Variants in EPHA6 observed in about 807,000 individuals in gnomAD.
The protein encoded by EPHA6 is EPH receptor A6.
EPHA6 carries 50 observed loss-of-function variants against 112.0 expected under a neutral mutation model. The observed-to-expected ratio is 0.45, with a 90% CI of 0.36 to 0.56. EPHA6 has a LOEUF of 0.56. Among genes scored for constraint, EPHA6 ranks in the 20% least tolerant of loss-of-function variants. EPHA6 has a pLI of 0.00. For missense variants in EPHA6, 1,280 were observed against 1,417.4 expected (o/e 0.90, Z 1.56); for synonymous variants, 529 against 490.7 (o/e 1.08, Z -1.03).
chr3:96,959,319 G>A (rs576192817), intron 2 of EPHA6, among the ~76,000 whole-genome samples: 13 of 152,172 alleles, frequency 8.5e-5, no homozygotes, highest in African/African-American at 2.4e-4. Flanking sequence ...TAGAGAAATA[G>A]CTATTCAAAT....
chr3:96,844,274 C>G (rs564614422), intron 1 of EPHA6, among the ~76,000 whole-genome samples: 1 of 152,046 alleles, frequency 6.6e-6, no homozygotes, highest in South Asian at 2.1e-4. Context: ...CAGTCACCTG[C>G]CCTGTTGAAG....
Position 97,757,744 on chromosome 3 carries a change from T to G in EPHA6, c.*9043T>G, listed in dbSNP as rs1241496607. 1.3e-5 allele frequency among the ~76,000 whole-genome samples: 2 copies of G among 151,890 alleles called. No individual in the cohort carries two copies. Among genetic ancestry groups the G allele is most frequent in the Non-Finnish European group, 1.5e-5 (1 of 67,794 alleles). On this transcript the variant is annotated 3_prime_UTR_variant, in exon 18 of 18. Coordinates refer to ENST00000389672, the MANE Select transcript of EPHA6 (RefSeq NM_001080448.3). The stretch of plus-strand genomic sequence containing the variant: ...ACTTACATATTAATTTTATGTGATA[T>G]AATATGTTTTGATCTCTAAATGCTT...
chr3:97,312,832 C>T (rs2081624720), intron 5 of EPHA6, among the ~76,000 whole-genome samples: 1 of 150,840 alleles, frequency 6.6e-6, no homozygotes, highest in Non-Finnish European at 1.5e-5. Context: ...GAATGTTAAA[C>T]CAACATTTTA....
intron 11 of EPHA6, among the ~76,000 whole-genome samples, chr3:97,576,373 C>T (rs1482750078): frequency 6.6e-6 from 1 of 152,110 alleles, no homozygotes; most frequent in East Asian, 1.9e-4. Flanking sequence ...TTATCAATGT[C>T]ATCCACTAAA....
At chr3:97,203,829 A>G (rs9825558) in intron 3 of EPHA6, among the ~76,000 whole-genome samples, 32,597 of 151,990 alleles carry the variant, frequency 0.21, 3,717 homozygotes, top group Non-Finnish European at 0.25. Flanking sequence ...TAAAATGTTC[A>G]TTACCCCATT....
At chr3:97,498,630 G>A (rs2092042057) in intron 10 of EPHA6, among the ~76,000 whole-genome samples, 1 of 152,180 alleles carries the variant, frequency 6.6e-6, no homozygotes, top group Non-Finnish European at 1.5e-5. Context: ...TTATAGTACT[G>A]GAGATCAGTG....
chr3:97,245,043 C>T (rs576474405), intron 5 of EPHA6, among the ~76,000 whole-genome samples: 4 of 152,050 alleles, frequency 2.6e-5, no homozygotes, highest in African/African-American at 9.6e-5. Flanking sequence ...TATGGGCACA[C>T]AAGTTATTGC....
intron 11 of EPHA6, among the ~76,000 whole-genome samples, chr3:97,591,305 G>C (rs566735333): frequency 1.3e-3 from 202 of 152,260 alleles, no homozygotes; most frequent in Admixed American, 4.4e-3. Context: ...ATGGAAACAA[G>C]ATATATATAG....
chr3:97,584,749 A>G (rs1277036246), intron 11 of EPHA6, among the ~76,000 whole-genome samples: 1 of 152,190 alleles, frequency 6.6e-6, no homozygotes, highest in Non-Finnish European at 1.5e-5. Flanking sequence ...GCATGGAGAC[A>G]TGAAATGGTC....
At chr3:97,328,950 A>G (rs2082626357) in intron 5 of EPHA6, among the ~76,000 whole-genome samples, 1 of 152,038 alleles carries the variant, frequency 6.6e-6, no homozygotes, top group Non-Finnish European at 1.5e-5. Context: ...ATATCTCCTA[A>G]TGCTATCCCT....
chr3:97,001,333 A>T (rs983160099), intron 3 of EPHA6, among the ~76,000 whole-genome samples: 1 of 151,934 alleles, frequency 6.6e-6, no homozygotes, highest in African/African-American at 2.4e-5. Flanking sequence ...CTTGTAAGAA[A>T]ATCATCCCAG....
At chr3:97,535,573 A>G (rs571502357) in intron 11 of EPHA6, among the ~76,000 whole-genome samples, 1 of 152,148 alleles carries the variant, frequency 6.6e-6, no homozygotes, top group East Asian at 1.9e-4. Flanking sequence ...GCCAATAAAT[A>G]AATGAGTGCC....
At chr3:96,865,891 A>G (rs533366494) in intron 1 of EPHA6, among the ~76,000 whole-genome samples, 82 of 151,958 alleles carry the variant, frequency 5.4e-4, no homozygotes, top group African/African-American at 1.9e-3. Flanking sequence ...CCTGCCAGAA[A>G]CGCTACAAAA....
intron 6 of EPHA6, among the ~76,000 whole-genome samples, chr3:97,442,343 T>C (rs964298668): frequency 6.6e-5 from 10 of 152,138 alleles, no homozygotes; most frequent in African/African-American, 2.4e-4. Context: ...ACAGCACTTT[T>C]GGGAGGCCAA....
intron 13 of EPHA6, among the ~76,000 whole-genome samples, chr3:97,634,670 G>A (rs528722152): frequency 1.3e-5 from 2 of 152,064 alleles, no homozygotes; most frequent in East Asian, 1.9e-4. Context: ...CCCTTTACAC[G>A]AGCAGCCTGA....
chr3:97,709,155 C>CA (rs34571358), intron 14 of EPHA6, among the ~76,000 whole-genome samples: 173 of 117,272 alleles, frequency 1.5e-3, no homozygotes, highest in South Asian at 5.4e-3. Flanking sequence ...CCATGCAAGT[C>CA]AAAAAAAAAA....
Position 96,847,651 on chromosome 3 carries a change from G to A in EPHA6, c.386-19174G>A, listed in dbSNP as rs148872121. Among the ~76,000 whole-genome samples the A allele has an allele frequency of 2.9e-3, 445 of 152,172 alleles. 4 individuals are homozygous for A. Among genetic ancestry groups the A allele is most frequent in the African/African-American group, 9.8e-3 (407 of 41,564 alleles). ...ATTCTAGGGTTGTAATCTTTAAGAAGAGAATTATACAAGAAGTTATTTTTG... is the reference window on the plus strand; with the variant it reads ...ATTCTAGGGTTGTAATCTTTAAGAAAAGAATTATACAAGAAGTTATTTTTG... On this transcript the variant is annotated intron_variant, in intron 1 of 17. Coordinates refer to ENST00000389672, the MANE Select transcript of EPHA6 (RefSeq NM_001080448.3).
At chr3:97,402,118 G>A (rs574746906) in intron 5 of EPHA6, among the ~76,000 whole-genome samples, 1 of 152,152 alleles carries the variant, frequency 6.6e-6, no homozygotes, top group South Asian at 2.1e-4. Flanking sequence ...TGAGAAGAAT[G>A]TGTATTCTTC....
intron 5 of EPHA6, among the ~76,000 whole-genome samples, chr3:97,287,521 G>A (rs948618794): frequency 1.3e-5 from 2 of 151,978 alleles, no homozygotes; most frequent in Non-Finnish European, 2.9e-5. Context: ...AGGAGCATAC[G>A]TTAACATAAT....
Sources: gnomAD v4.1 joint callset for allele counts (sites outside exome capture counted in the v4.1 genomes callset) on GRCh38, gnomAD v4.1.1 for gene constraint, MANE v1.5 for transcripts, NCBI Gene and HGNC (gene_info 2026-07-23, HGNC 2026-07-21) for gene names.